Variants in GBF1 observed in about 807,000 individuals in gnomAD.
GBF1 encodes Golgi-specific brefeldin A-resistance guanine nucleotide exchange factor 1.
In GBF1, 114 loss-of-function variants were observed where a neutral mutation model predicts 210.5. The observed-to-expected ratio is 0.54, with a 90% CI of 0.47 to 0.63. The LOEUF is 0.63. Ranked by LOEUF, GBF1 falls within the 30% of genes least tolerant of loss-of-function variation. The pLI, the probability that GBF1 is intolerant of heterozygous loss-of-function variation, is 0.00. For synonymous variants in GBF1, 850 were observed against 889.2 expected (o/e 0.96, Z 0.78); for missense variants, 1,851 against 2,357.7 (o/e 0.79, Z 4.45).
the GBF1 span, among the ~76,000 whole-genome samples, chr10:102,237,881 TC>T: frequency 2.0e-5 from 3 of 150,308 alleles, no homozygotes; most frequent in South Asian, 2.2e-4. Context: ...ACTGCCCTCC[TC>T]CCCCGCCCAC....
At chr10:102,262,218 G>A (rs1425848705) in intron 3 of GBF1, among the ~76,000 whole-genome samples, 1 of 152,226 alleles carries the variant, frequency 6.6e-6, no homozygotes, top group Non-Finnish European at 1.5e-5. Context: ...GAAGGATCAA[G>A]TATAGAGGAG....
At chr10:102,306,704 G>C (rs1001493758) in intron 3 of GBF1, among the ~76,000 whole-genome samples, 8 of 152,230 alleles carry the variant, frequency 5.3e-5, no homozygotes, top group African/African-American at 1.7e-4. Flanking sequence ...GATTACAGGC[G>C]TGAGCCACCG....
intron 3 of GBF1, among the ~76,000 whole-genome samples, chr10:102,339,538 G>C (rs1223300106): frequency 1.3e-5 from 2 of 150,486 alleles, no homozygotes; most frequent in Admixed American, 1.3e-4. Context: ...GTGGTGGCAC[G>C]TTCCTGTAGT....
At chr10:102,274,352 C>T (rs1205004815) in intron 3 of GBF1, among the ~76,000 whole-genome samples, 3 of 152,090 alleles carry the variant, frequency 2.0e-5, no homozygotes, top group Non-Finnish European at 4.4e-5. Flanking sequence ...CCTAGCCCTG[C>T]CTGCTTGGCA....
upstream of GBF1, among the ~76,000 whole-genome samples, chr10:102,244,571 T>C (rs1391491993): frequency 6.6e-6 from 1 of 152,168 alleles, no homozygotes; most frequent in Non-Finnish European, 1.5e-5. Context: ...CCCCTTAGCG[T>C]TTCTAAGGCA....
intron 3 of GBF1, among the ~76,000 whole-genome samples, chr10:102,340,828 G>T (rs2058133459): frequency 6.6e-6 from 1 of 152,178 alleles, no homozygotes; most frequent in African/African-American, 2.4e-5. Flanking sequence ...ACTGAAAATA[G>T]ATCATAGGTG....
At chr10:102,329,549 C>T (rs1360955710) in intron 3 of GBF1, among the ~76,000 whole-genome samples, 5 of 152,032 alleles carry the variant, frequency 3.3e-5, no homozygotes, top group African/African-American at 9.7e-5. Flanking sequence ...CTGCAAGCTC[C>T]GCCTCCCAGG....
At chr10:102,373,291 C>G (rs1251167145) in intron 29 of GBF1, among the ~76,000 whole-genome samples, 1 of 152,172 alleles carries the variant, frequency 6.6e-6, no homozygotes, top group Non-Finnish European at 1.5e-5. Flanking sequence ...GTACTGCAAA[C>G]TAAAACCACA....
At chr10:102,338,147 C>T (rs2057897919) in intron 3 of GBF1, among the ~76,000 whole-genome samples, 1 of 151,518 alleles carries the variant, frequency 6.6e-6, no homozygotes, top group Non-Finnish European at 1.5e-5. Flanking sequence ...TCTAGTTTTT[C>T]ATCAGTAGGT....
At position 102,362,580 on chromosome 10, in the gene GBF1, C is replaced by G. The variant is rs746490881; in HGVS notation, c.1792C>G (p.Leu598Val). The G allele has an allele frequency of 6.2e-7, 1 of 1,614,138 alleles. No individual in the cohort carries two copies. Among genetic ancestry groups the G allele is most frequent in the Non-Finnish European group, 8.5e-7 (1 of 1,179,976 alleles). ...CGAGGCCCACTGCCAGGCTAAAGTC[C>G]TCAACAGCCTCACCCAGCAAGAGAA... ...STEAHCQAKV[L>V]NSLTQQEKKE... The change falls in exon 15 of 40, where the codon CTC becomes GTC. Residue 598 changes from leucine to valine, a missense_variant. Physicochemically the swap from Leu to Val is conservative, Grantham distance 32. Transcript: ENST00000369983.
intron 3 of GBF1, among the ~76,000 whole-genome samples, chr10:102,326,399 TTGAGTCTCTGCTCCCAGACTGG>T (rs1281009259): frequency 6.6e-6 from 1 of 152,198 alleles, no homozygotes; most frequent in East Asian, 1.9e-4. Flanking sequence ...CAGCTGGCTG[TTGAGTCTCTGCTCCCAGACTGG>T]TGAGTTGGGA....
Position 102,369,787 on chromosome 10 carries a change from C to G in GBF1, c.3215+12C>G. Reference sequence around the variant, plus strand: ...ACACCATCAAACCGGTAAGAGCAGACCAGAGGCTCAGGGGCTTGGGGAGGG... The same window carrying G: ...ACACCATCAAACCGGTAAGAGCAGAGCAGAGGCTCAGGGGCTTGGGGAGGG... On this transcript the variant is annotated intron_variant, in intron 25 of 39. Coordinates refer to ENST00000369983, the MANE Select transcript of GBF1 (RefSeq NM_001377137.1). The G allele has an allele frequency of 6.2e-7, 1 of 1,614,112 alleles. No individual in the cohort carries two copies. The highest frequency in any genetic ancestry group is 1.1e-5 in the South Asian group (1 of 91,082).
chr10:102,281,578 ATTG>A (rs903862683), intron 3 of GBF1, among the ~76,000 whole-genome samples: 2 of 149,016 alleles, frequency 1.3e-5, no homozygotes, highest in East Asian at 1.9e-4. Context: ...ATTTATATAA[ATTG>A]TTATATTATA....
chr10:102,302,452 A>G (rs1172317529), intron 3 of GBF1, among the ~76,000 whole-genome samples: 1 of 152,198 alleles, frequency 6.6e-6, no homozygotes, highest in African/African-American at 2.4e-5. Flanking sequence ...CCATACCAAA[A>G]AAAAAATCAT....
intron 1 of GBF1, among the ~76,000 whole-genome samples, chr10:102,247,611 T>A (rs1300744366): frequency 1.3e-5 from 2 of 152,236 alleles, no homozygotes; most frequent in Non-Finnish European, 2.9e-5. Context: ...TAAGGGTGAC[T>A]ATAGAGGCAT....
rs977795916 is a variant in GBF1 at position 102,382,613 on chromosome 10, G to T, written c.*277G>T. 2 of 405,228 alleles carry T rather than the reference G, an allele frequency of 4.9e-6. No homozygotes were observed. Among genetic ancestry groups the T allele is most frequent in the African/African-American group, 2.0e-5 (1 of 49,026 alleles). The allele number at this position is 405,228 out of a possible 1,614,324, so 25.1% of individuals were successfully genotyped here. ...CCTCTGCCTCCAGCCCGGCAGCTCT[G>T]GGGAGGCATCCGTGTGCCGGCCCTG... On this transcript the variant is annotated 3_prime_UTR_variant, in exon 40 of 40. Transcript: ENST00000369983.
intron 4 of GBF1, among the ~76,000 whole-genome samples, chr10:102,344,758 G>A (rs2058425201): frequency 6.6e-6 from 1 of 152,076 alleles, no homozygotes; most frequent in Non-Finnish European, 1.5e-5. Context: ...GGGATTACAG[G>A]TGTGAGCCAC....
chr10:102,371,651 G>A (rs1018441382), intron 29 of GBF1, among the ~76,000 whole-genome samples: 5 of 152,166 alleles, frequency 3.3e-5, no homozygotes, highest in African/African-American at 7.2e-5. Flanking sequence ...TCTCTGGGCC[G>A]GTTGCTGTGG....
chr10:102,327,371 A>G (rs1689955654), intron 3 of GBF1, among the ~76,000 whole-genome samples: 1 of 152,244 alleles, frequency 6.6e-6, no homozygotes, highest in Admixed American at 6.5e-5. Context: ...AGTTAAATGC[A>G]CATCTACCCT....
Sources: gnomAD v4.1 joint callset for allele counts (sites outside exome capture counted in the v4.1 genomes callset) on GRCh38, gnomAD v4.1.1 for gene constraint, MANE v1.5 for transcripts, NCBI Gene and HGNC (gene_info 2026-07-23, HGNC 2026-07-21) for gene names.